The following CSMD1 variants were observed in gnomAD, a reference collection of about 807,000 sequenced individuals.
CSMD1 encodes CUB and sushi domain-containing protein 1.
A neutral mutation model predicts 417.5 loss-of-function variants in CSMD1; 213 were observed. That is an observed-to-expected ratio of 0.51 (90% confidence interval 0.46 to 0.57). The LOEUF (loss-of-function observed/expected upper bound fraction) is 0.57, where lower values mean the gene tolerates loss of function less well. Among genes scored for constraint, CSMD1 ranks in the 20% least tolerant of loss-of-function variants. The pLI is 0.00. For synonymous variants in CSMD1, 2,862 were observed against 1,736.8 expected, an observed-to-expected ratio of 1.65 and a Z score of -16.11; for missense variants, 6,923 against 4,529.7, an observed-to-expected ratio of 1.53 and a Z score of -15.17.
chr8:3,516,468 A>T (rs1797286827), intron 10 of CSMD1, among the ~76,000 whole-genome samples: 1 of 152,180 alleles, frequency 6.6e-6, no homozygotes, highest in Non-Finnish European at 1.5e-5. Flanking sequence ...TGGAGTTGCC[A>T]CTTCAGTGTC....
intron 11 of CSMD1, among the ~76,000 whole-genome samples, chr8:3,480,900 T>G (rs1038761993): frequency 1.3e-5 from 2 of 152,106 alleles, no homozygotes; most frequent in Non-Finnish European, 2.9e-5. Flanking sequence ...CTCACGCCTG[T>G]AATCCCAGCA....
At chr8:4,475,429 T>C (rs958118124) in intron 2 of CSMD1, among the ~76,000 whole-genome samples, 1 of 152,126 alleles carries the variant, frequency 6.6e-6, no homozygotes, top group African/African-American at 2.4e-5. Flanking sequence ...TTTTTTAATA[T>C]TCACCTGTGG....
At chr8:4,968,612 T>C (rs1228986214) in intron 1 of CSMD1, among the ~76,000 whole-genome samples, 1 of 152,082 alleles carries the variant, frequency 6.6e-6, no homozygotes, top group African/African-American at 2.4e-5. Context: ...CCAGTTTCTC[T>C]CCCCTCCCTC....
chr8:4,074,671 G>A (rs533522370), intron 3 of CSMD1, among the ~76,000 whole-genome samples: 17 of 152,012 alleles, frequency 1.1e-4, no homozygotes, highest in African/African-American at 4.1e-4. Context: ...AATTGACAAT[G>A]GTACGTTAAA....
At position 3,772,387 on chromosome 8, in the gene CSMD1, T is replaced by G. The variant is rs902582978; in HGVS notation, c.819-18345A>C. 4.6e-5 allele frequency among the ~76,000 whole-genome samples: 5 copies of G among 109,146 alleles called. No individual in the cohort carries two copies. In the South Asian group the frequency reaches 1.4e-3, roughly 32 times the overall value. The allele number at this position is 109,146 out of a possible 152,430, so 71.6% of individuals were successfully genotyped here. A position where few individuals can be genotyped will look rare whatever the true frequency, so the allele number is the denominator to read the frequency against. ...TACATATATACATATATTCATATAT[T>G]TATATATACACATATATACATATAT... On this transcript the variant is annotated intron_variant, in intron 5 of 69. Coordinates refer to ENST00000635120, the MANE Select transcript of CSMD1 (RefSeq NM_033225.6).
At chr8:4,957,173 G>A (rs956488106) in intron 1 of CSMD1, among the ~76,000 whole-genome samples, 2 of 152,190 alleles carry the variant, frequency 1.3e-5, no homozygotes, top group Non-Finnish European at 2.9e-5. Flanking sequence ...TGTGACAACT[G>A]AAAAACACTG....
chr8:3,098,715 A>T (rs1000150278), intron 46 of CSMD1, among the ~76,000 whole-genome samples: 1 of 152,152 alleles, frequency 6.6e-6, no homozygotes, highest in South Asian at 2.1e-4. Flanking sequence ...AAAAATAATG[A>T]AATTAGGGTC....
chr8:4,452,506 T>A (rs1799205961), intron 2 of CSMD1, among the ~76,000 whole-genome samples: 1 of 152,230 alleles, frequency 6.6e-6, no homozygotes, highest in African/African-American at 2.4e-5. Context: ...ACTACAGCTT[T>A]AATTTTAGTT....
chr8:4,572,762 C>G (rs1431686634), intron 2 of CSMD1, among the ~76,000 whole-genome samples: 1 of 152,174 alleles, frequency 6.6e-6, no homozygotes, highest in Non-Finnish European at 1.5e-5. Context: ...ATCAATCAAT[C>G]ATAGATTTGG....
intron 23 of CSMD1, among the ~76,000 whole-genome samples, chr8:3,312,606 A>G (rs1235286778): frequency 6.6e-6 from 1 of 152,140 alleles, no homozygotes. Context: ...AGGCCTTTAC[A>G]ATGGGAAGTA....
intron 3 of CSMD1, among the ~76,000 whole-genome samples, chr8:4,343,708 G>A (rs75054296): frequency 1.6e-4 from 24 of 152,018 alleles, no homozygotes; most frequent in African/African-American, 5.8e-4. Context: ...TTTTCACCAG[G>A]GGAGCTTCGA....
At chr8:4,043,250 G>C (rs908664754) in intron 3 of CSMD1, among the ~76,000 whole-genome samples, 4 of 152,114 alleles carry the variant, frequency 2.6e-5, no homozygotes, top group Admixed American at 6.5e-5. Context: ...ACAGCTATTA[G>C]GCTAGCATAG....
At chr8:4,208,340 G>T (rs1266181829) in intron 3 of CSMD1, among the ~76,000 whole-genome samples, 2 of 152,150 alleles carry the variant, frequency 1.3e-5, no homozygotes, top group Non-Finnish European at 2.9e-5. Flanking sequence ...GGTCTTATTT[G>T]AATCCTTCCT....
At chr8:3,372,533 G>T (rs1196117036) in intron 18 of CSMD1, among the ~76,000 whole-genome samples, 1 of 152,160 alleles carries the variant, frequency 6.6e-6, no homozygotes, top group Non-Finnish European at 1.5e-5. Context: ...GTCTGAACCT[G>T]CCTGTGTCCT....
At chr8:3,934,733 G>A (rs897943643) in intron 5 of CSMD1, among the ~76,000 whole-genome samples, 4 of 152,022 alleles carry the variant, frequency 2.6e-5, no homozygotes, top group Admixed American at 1.3e-4. Flanking sequence ...TGCACTCCCA[G>A]CTACTCGGGA....
At chr8:4,920,017 G>C (rs1304722584) in intron 1 of CSMD1, among the ~76,000 whole-genome samples, 3 of 152,128 alleles carry the variant, frequency 2.0e-5, no homozygotes, top group Non-Finnish European at 2.9e-5. Flanking sequence ...CTATCAGTTA[G>C]TCCCAGGTAT....
intron 5 of CSMD1, among the ~76,000 whole-genome samples, chr8:3,792,508 T>A (rs1799808477): frequency 6.6e-6 from 1 of 152,160 alleles, no homozygotes; most frequent in Non-Finnish European, 1.5e-5. Flanking sequence ...AACTCGCTGA[T>A]TACTGTCAAT....
At chr8:4,174,196 C>T (rs1204684324) in intron 3 of CSMD1, among the ~76,000 whole-genome samples, 3 of 152,134 alleles carry the variant, frequency 2.0e-5, no homozygotes. Flanking sequence ...GAGGAAAACC[C>T]AGAGCCTCAG....
chr8:4,040,263 G>A (rs1390701441), intron 3 of CSMD1, among the ~76,000 whole-genome samples: 1 of 152,156 alleles, frequency 6.6e-6, no homozygotes, highest in Non-Finnish European at 1.5e-5. Context: ...ATAATAACCG[G>A]AAATACTTGC....
Sources: gnomAD v4.1 joint callset for allele counts (sites outside exome capture counted in the v4.1 genomes callset) on GRCh38, gnomAD v4.1.1 for gene constraint, MANE v1.5 for transcripts, NCBI Gene and HGNC (gene_info 2026-07-23, HGNC 2026-07-21) for gene names.